Variants in PCDHGB2 observed in about 807,000 individuals in gnomAD.
PCDHGB2 encodes protocadherin gamma subfamily B, 2.
Under a neutral mutation model 59.3 loss-of-function variants are expected in PCDHGB2, and 55 were observed. The observed-to-expected ratio is 0.93, with a 90% CI of 0.75 to 1.16. The LOEUF (loss-of-function observed/expected upper bound fraction) is 1.16. Ranked by LOEUF, PCDHGB2 falls within the 50% of genes most tolerant of loss-of-function variation. The pLI, the probability that PCDHGB2 is intolerant of heterozygous loss-of-function variation, is 0.00. For synonymous variants in PCDHGB2, 516 were observed against 512.0 expected, an observed-to-expected ratio of 1.01 and a Z score of -0.11; for missense variants, 1,228 against 1,198.5, an observed-to-expected ratio of 1.02 and a Z score of -0.36.
chr5:141,387,037 A>G (rs2090794833), intron 1 of PCDHGB2, among the ~76,000 whole-genome samples: 1 of 152,258 alleles, frequency 6.6e-6, no homozygotes, highest in Non-Finnish European at 1.5e-5. Flanking sequence ...TTTCATAACC[A>G]GTAAAATAAT....
rs774153595 is a variant in PCDHGB2 at position 141,366,148 on chromosome 5, C to A, written c.2421+3592C>A. ...CAGGCCAGAACGCCTGGCTGTCCTA[C>A]CGCCTGCTTAAGGCCAGCGAGCCAG... On this transcript the variant is annotated intron_variant, in intron 1 of 3. Coordinates refer to ENST00000522605, the MANE Select transcript of PCDHGB2 (RefSeq NM_018923.3). 1.9e-6 allele frequency: 3 copies of A among 1,614,172 alleles called. No individual in the cohort carries two copies. The South Asian group carries it at 3.3e-5, about 18-fold the overall frequency.
In PCDHGB2 at chr5:141,409,272, T is replaced by G. The variant is rs2095250021; in HGVS notation, c.2421+46716T>G. ...ATCACTTCTCTCTCTGATCAGATTT[T>G]GGAGAATTCACCTCCAGGAATGGTT... On this transcript the variant is annotated intron_variant, in intron 1 of 3. Coordinates refer to ENST00000522605, the MANE Select transcript of PCDHGB2 (RefSeq NM_018923.3). 5 of 1,614,042 alleles carry G rather than the reference T, an allele frequency of 3.1e-6. No individual in the cohort carries two copies. In the South Asian group the frequency reaches 4.4e-5, roughly 14 times the overall value.
Position 141,362,214 on chromosome 5 carries a change from T to G in PCDHGB2, c.2079T>G (p.Val693=). The stretch of plus-strand genomic sequence containing the variant: ...AGGCAAAACTGCAGTTTTACCTGGT[T>G]GTGGCCTTGGCCTTGATCTCAGTGC... ...DPQAKLQFYL[V]VALALISVLF... Residue 693 remains valine, a synonymous_variant, in exon 1 of 4, where the codon GTT becomes GTG. Transcript: ENST00000522605. The G allele has an allele frequency of 4.3e-6, 7 of 1,613,984 alleles. No homozygotes were observed. Among genetic ancestry groups the G allele is most frequent in the Non-Finnish European group, 5.9e-6 (7 of 1,179,868 alleles).
At chr5:141,481,812 C>T (rs2099545604) in intron 1 of PCDHGB2, among the ~76,000 whole-genome samples, 2 of 149,798 alleles carry the variant, frequency 1.3e-5, no homozygotes, top group South Asian at 2.1e-4. Context: ...ATTCACCAGG[C>T]GTGGTGGCTG....
rs1594666821 is a variant in PCDHGB2, at chr5:141,487,316, T to C, written c.2422-7491T>C. 6.2e-7 allele frequency: 1 copy of C among 1,614,164 alleles called. No individual in the cohort carries two copies. Among genetic ancestry groups the C allele is most frequent in the South Asian group, 1.1e-5 (1 of 91,080 alleles). On this transcript the variant is annotated intron_variant, in intron 1 of 3. Coordinates refer to ENST00000522605, the MANE Select transcript of PCDHGB2 (RefSeq NM_018923.3). This position sits in a 1 kb window ranked among gnomAD's most constrained non-coding sequence, Gnocchi z 5.0. ...CTCATTCGTGGCACTACTCTCTAAG[T>C]GTCTTCGTGGGGCAGCCTGTGGAGT... is the stretch of plus-strand genomic sequence containing the variant.
intron 3 of PCDHGB2, among the ~76,000 whole-genome samples, chr5:141,509,109 G>A (rs893509101): frequency 5.3e-5 from 8 of 152,240 alleles, no homozygotes; most frequent in African/African-American, 1.9e-4. Flanking sequence ...AAACCTGAGC[G>A]CTGGTGCGTG....
chr5:141,489,636 C>T lies in PCDHGB2; in HGVS notation c.2422-5171C>T. On this transcript the variant is annotated intron_variant, in intron 1 of 3. Coordinates refer to ENST00000522605, the MANE Select transcript of PCDHGB2 (RefSeq NM_018923.3). The surrounding 1 kb of genome is among the most constrained non-coding windows in gnomAD (Gnocchi z 4.5). ...TGGATCTCAATGACAACTCTCCTAG[C>T]TTTGCCACCCCTGAGCGAGAGATGC... 1.2e-6 allele frequency: 2 copies of T among 1,614,190 alleles called. No homozygotes were observed. The highest frequency in any genetic ancestry group is 1.7e-6 in the Non-Finnish European group (2 of 1,180,030).
Position 141,489,147 on chromosome 5 carries a change from A to G in PCDHGB2, c.2422-5660A>G. On this transcript the variant is annotated intron_variant, in intron 1 of 3. Coordinates refer to ENST00000522605, the MANE Select transcript of PCDHGB2 (RefSeq NM_018923.3). The surrounding 1 kb of genome is among the most constrained non-coding windows in gnomAD (Gnocchi z 4.5). ...GCAGTTTTTAAGAGGCTGGAAGGAG[A>G]CATAAGAGACTTCAGCTGCTGCATT... The G allele has an allele frequency of 1.2e-6, 1 of 802,676 alleles. No homozygotes were observed. Among genetic ancestry groups the G allele is most frequent in the Non-Finnish European group, 1.9e-6 (1 of 528,868 alleles). 49.7% of individuals were successfully genotyped at this position (802,676 alleles called of 1,614,324 possible). A position where few individuals can be genotyped will look rare whatever the true frequency, so the allele number is the denominator to read the frequency against.
At chr5:141,442,466 A>T (rs1270035223) in intron 1 of PCDHGB2, 1 of 152,254 alleles carries the variant, frequency 6.6e-6, no homozygotes, top group African/African-American at 2.4e-5. Flanking sequence ...TTCACTGCAG[A>T]AAGCCCCTTG....
At chr5:141,365,336 A>C in intron 1 of PCDHGB2, 1 of 1,613,998 alleles carries the variant, frequency 6.2e-7, no homozygotes, top group South Asian at 1.1e-5. Flanking sequence ...GGTGGTGGTC[A>C]CAGTACAGGA....
intron 1 of PCDHGB2, chr5:141,393,342 C>T (rs765924046): frequency 6.2e-7 from 1 of 1,613,944 alleles, no homozygotes; most frequent in Admixed American, 1.7e-5. Context: ...CCCCAATCAC[C>T]ACTTCTCCCT....
intron 1 of PCDHGB2, chr5:141,376,063 C>T (rs1392618102): frequency 1.9e-6 from 3 of 1,613,444 alleles, no homozygotes; most frequent in Non-Finnish European, 2.5e-6. Context: ...CTGTCACGCT[C>T]ACCGTGGCCG....
At chr5:141,499,557 C>G (rs972965979) in intron 2 of PCDHGB2, among the ~76,000 whole-genome samples, 1 of 152,192 alleles carries the variant, frequency 6.6e-6, no homozygotes, top group African/African-American at 2.4e-5. Context: ...TATGATACCA[C>G]TATCCAGCTT....
intron 1 of PCDHGB2, chr5:141,374,626 C>G (rs748933501): frequency 9.9e-6 from 16 of 1,613,226 alleles, no homozygotes; most frequent in Admixed American, 1.7e-5. Context: ...TCTCAGTGGA[C>G]GTGCAAAGCG....
chr5:141,498,971 G>GGGAAGGAAGGAAGGAAGGAA (rs201769957), intron 2 of PCDHGB2, among the ~76,000 whole-genome samples: 36 of 111,052 alleles, frequency 3.2e-4, no homozygotes, highest in African/African-American at 9.0e-4. Context: ...GAGGGAGGGA[G>GGGAAGGAAGGAAGGAAGGAA]GGAAGGAAGG....
intron 1 of PCDHGB2, chr5:141,441,139 G>C (rs1000704603): frequency 6.6e-6 from 1 of 152,172 alleles, no homozygotes; most frequent in African/African-American, 2.4e-5. Context: ...ATTTCTAGAA[G>C]ATAATGACAA....
At position 141,511,574 on chromosome 5, in the gene PCDHGB2, GT is replaced by G. The variant is rs1158598698; in HGVS notation, c.*403del. ...CAGTTCCTCTTTCCCGAGTAAGGTG[GT>G]TGGGGTGTTGAAGTACCAAGTAACC... On this transcript the variant is annotated 3_prime_UTR_variant, in exon 4 of 4. Coordinates refer to ENST00000522605, the MANE Select transcript of PCDHGB2 (RefSeq NM_018923.3). 3.5e-6 allele frequency: 1 copy of G among 287,556 alleles called. No individual in the cohort carries two copies. The highest frequency in any genetic ancestry group is 2.2e-5 in the African/African-American group (1 of 46,340). 17.8% of individuals were successfully genotyped at this position (287,556 alleles called of 1,614,324 possible).
At chr5:141,499,356 C>A (rs1472104991) in intron 2 of PCDHGB2, among the ~76,000 whole-genome samples, 1 of 152,062 alleles carries the variant, frequency 6.6e-6, no homozygotes, top group Non-Finnish European at 1.5e-5. Context: ...ATTCAACAAA[C>A]AAATAGCAAC....
intron 1 of PCDHGB2, chr5:141,377,186 T>G (rs1773756873): frequency 6.6e-6 from 1 of 152,252 alleles, no homozygotes; most frequent in Non-Finnish European, 1.5e-5. Context: ...TGGCAAACTA[T>G]TTGTGTCTTG....
Sources: gnomAD v4.1 joint callset for allele counts (sites outside exome capture counted in the v4.1 genomes callset) on GRCh38, gnomAD v4.1.1 for gene constraint, Gnocchi (gnomAD v3.1) non-coding constraint, MANE v1.5 for transcripts, NCBI Gene and HGNC (gene_info 2026-07-23, HGNC 2026-07-21) for gene names.